The following ZFYVE28 variants were observed in gnomAD, a reference collection of about 807,000 sequenced individuals.
ZFYVE28 encodes the protein lateral signaling target protein 2 homolog.
ZFYVE28 carries 40 observed loss-of-function variants against 82.1 expected under a neutral mutation model. The observed-to-expected ratio is 0.49, with a 90% confidence interval of 0.38 to 0.63. The LOEUF (loss-of-function observed/expected upper bound fraction) is 0.63. Among genes scored for constraint, ZFYVE28 ranks in the 30% least tolerant of loss-of-function variants. The pLI is 0.00. For missense variants in ZFYVE28, 1,321 were observed against 1,242.1 expected (o/e 1.06, Z -0.96); for synonymous variants, 612 against 546.1 (o/e 1.12, Z -1.68).
intron 1 of ZFYVE28, among the ~76,000 whole-genome samples, chr4:2,356,602 G>A (rs767980104): frequency 6.6e-6 from 1 of 152,226 alleles, no homozygotes; most frequent in Non-Finnish European, 1.5e-5. Flanking sequence ...CCCTCCATGG[G>A]CCCAGGCAAC....
chr4:2,333,509 C>G (rs917919056), intron 6 of ZFYVE28, among the ~76,000 whole-genome samples: 3 of 151,808 alleles, frequency 2.0e-5, no homozygotes, highest in Non-Finnish European at 4.4e-5. Context: ...GTGAAAGTCC[C>G]GAAACACAGT....
intron 2 of ZFYVE28, among the ~76,000 whole-genome samples, chr4:2,348,536 G>C (rs1343313862): frequency 1.3e-5 from 2 of 152,130 alleles, no homozygotes; most frequent in Non-Finnish European, 2.9e-5. Flanking sequence ...CAAAATTTTA[G>C]GAAACTGAAT....
chr4:2,273,475 G>C (rs1736100300), intron 9 of ZFYVE28, among the ~76,000 whole-genome samples, 186 bp from the exon 10 acceptor site: 1 of 152,168 alleles, frequency 6.6e-6, no homozygotes, highest in Admixed American at 6.5e-5. Flanking sequence ...TAAAAACTCG[G>C]GAGTCGAGAG....
intron 4 of ZFYVE28, among the ~76,000 whole-genome samples, chr4:2,338,726 T>G (rs578192126): frequency 2.6e-5 from 4 of 152,268 alleles, no homozygotes; most frequent in Non-Finnish European, 5.9e-5. Context: ...GGACTGCCCT[T>G]AATGCATTGG....
chr4:2,371,119 A>G (rs1199732453), intron 1 of ZFYVE28, among the ~76,000 whole-genome samples: 1 of 152,094 alleles, frequency 6.6e-6, no homozygotes, highest in Non-Finnish European at 1.5e-5. Flanking sequence ...TTGGAGCTGG[A>G]GAGAAGATGG....
intron 1 of ZFYVE28, among the ~76,000 whole-genome samples, chr4:2,401,523 G>T (rs886568457): frequency 6.6e-6 from 1 of 152,180 alleles, no homozygotes; most frequent in Non-Finnish European, 1.5e-5. Context: ...GACACCAGAC[G>T]GTGCTACCTG....
At chr4:2,353,222 C>T (rs1302271131) in intron 2 of ZFYVE28, among the ~76,000 whole-genome samples, 1 of 152,238 alleles carries the variant, frequency 6.6e-6, no homozygotes, top group Non-Finnish European at 1.5e-5. Flanking sequence ...GGCTGGGGTG[C>T]AGCCAGCTTG....
chr4:2,280,561 A>T (rs1711824806), intron 8 of ZFYVE28, among the ~76,000 whole-genome samples: 1 of 152,246 alleles, frequency 6.6e-6, no homozygotes, highest in African/African-American at 2.4e-5. Context: ...TCATATGTAC[A>T]TAAATGACAC....
chr4:2,411,548 G>A (rs368477880), intron 1 of ZFYVE28, among the ~76,000 whole-genome samples: 21 of 152,188 alleles, frequency 1.4e-4, no homozygotes, highest in East Asian at 1.4e-3. Context: ...TGTAAAATCC[G>A]ATGACAGTCC....
rs763243821 is a variant in ZFYVE28, at chr4:2,320,180, G to A, written c.793C>T (p.Arg265Trp). The A allele has an allele frequency of 5.1e-6, 8 of 1,554,172 alleles. No individual in the cohort carries two copies. The highest frequency in any genetic ancestry group is 6.1e-6 in the Non-Finnish European group (7 of 1,146,836). Reference protein sequence around the residue: ...ELFRPFHTLLRKIRDLLQTLT... With the variant: ...ELFRPFHTLLWKIRDLLQTLT... ...TAGCTCCATCCCCACCTTATTTTCC[G>A]CAGCAACGTGTGGAAGGGCCGGAAC... The change falls in exon 7 of 13, where the codon CGG becomes TGG. Residue 265 changes from arginine to tryptophan, a missense_variant. Physicochemically the swap from Arg to Trp is moderately radical, Grantham distance 101 (BLOSUM62 -3). Around this residue, in one of 2 missense-constraint regions of ZFYVE28, gnomAD observed 343 missense variants for 408.4 expected, o/e 0.84. Coordinates refer to ENST00000290974, the MANE Select transcript of ZFYVE28 (RefSeq NM_020972.3). The surrounding 1 kb of genome is among the most constrained non-coding windows in gnomAD (Gnocchi z 5.1).
chr4:2,331,252 C>A (rs931550743), intron 6 of ZFYVE28, among the ~76,000 whole-genome samples: 20 of 152,016 alleles, frequency 1.3e-4, no homozygotes, highest in Admixed American at 1.2e-3. Flanking sequence ...CGGGCGAAGC[C>A]GCAGCGAGGC....
At chr4:2,338,891 C>T (rs1204614515) in intron 4 of ZFYVE28, among the ~76,000 whole-genome samples, 2 of 152,174 alleles carry the variant, frequency 1.3e-5, no homozygotes, top group African/African-American at 4.8e-5. Flanking sequence ...GTGGCTGGAT[C>T]GCAGCTCACT....
chr4:2,300,009 G>T lies in ZFYVE28; in HGVS notation c.2051+4280C>A. On this transcript the variant is annotated intron_variant, in intron 8 of 12. Coordinates refer to ENST00000290974, the MANE Select transcript of ZFYVE28 (RefSeq NM_020972.3). This position sits in a 1 kb window ranked among gnomAD's most constrained non-coding sequence, Gnocchi z 4.6. ...GATGGGGTCTTGCTATGTTGTCCAG[G>T]CTGGCCTTGAACTCCTGGCCTCAAG... Among the ~76,000 whole-genome samples, 1 of 152,084 alleles carries T rather than the reference G, an allele frequency of 6.6e-6. No individual in the cohort carries two copies.
chr4:2,404,508 T>A (rs1025834019), intron 1 of ZFYVE28, among the ~76,000 whole-genome samples: 1 of 99,564 alleles, frequency 1.0e-5, no homozygotes, highest in African/African-American at 3.9e-5. Flanking sequence ...ACTAATGGAA[T>A]ATTATTCAGC....
At chr4:2,366,666 C>T (rs1165216566) in intron 1 of ZFYVE28, among the ~76,000 whole-genome samples, 2 of 152,230 alleles carry the variant, frequency 1.3e-5, no homozygotes, top group Non-Finnish European at 2.9e-5. Flanking sequence ...AGGCCTCTGC[C>T]CCTTGGGGCA....
intron 2 of ZFYVE28, among the ~76,000 whole-genome samples, chr4:2,342,049 G>A (rs747361548): frequency 4.6e-5 from 7 of 152,280 alleles, no homozygotes; most frequent in African/African-American, 7.2e-5. Context: ...ACTCTCAGTC[G>A]GCTGGGGACC....
Position 2,310,297 on chromosome 4 carries a change from C to T in ZFYVE28, c.804-4761G>A, listed in dbSNP as rs543558397. Among the ~76,000 whole-genome samples the T allele has an allele frequency of 1.8e-4, 28 of 152,272 alleles. No homozygotes were observed. The East Asian group carries it at 5.0e-3, about 27-fold the overall frequency. On this transcript the variant is annotated intron_variant, in intron 7 of 12. Coordinates refer to ENST00000290974, the MANE Select transcript of ZFYVE28 (RefSeq NM_020972.3). ...CAAGCGATCCTCCTGCCTCAGCCTT[C>T]CAAAGTCCTGGGATTACAAGTGTGA...
rs373544232 is a variant in ZFYVE28, at chr4:2,304,331, C to T, written c.2009G>A (p.Ser670Asn). 1.6e-5 allele frequency: 25 copies of T among 1,603,822 alleles called. No individual in the cohort carries two copies. The highest frequency in any genetic ancestry group is 1.6e-5 in the Non-Finnish European group (19 of 1,178,712). ...CTGAGGCGCCTCGTGAGCCGAGGGG[C>T]TCCCAGCATGCAGCTCTCTGGCCTC... ...EPEARELHAGSPSAHEAPQAL... is the reference protein window; with the variant it reads ...EPEARELHAGNPSAHEAPQAL... Residue 670 changes from serine (S) to asparagine (N), a missense_variant, in exon 8 of 13, where the codon AGC (serine) becomes AAC (asparagine). Physicochemically the swap from Ser to Asn is conservative, Grantham distance 46. Around this residue, in one of 2 missense-constraint regions of ZFYVE28, gnomAD observed 978 missense variants for 833.7 expected, o/e 1.17. Transcript: ENST00000290974.
chr4:2,316,971 A>G (rs1193856456), intron 7 of ZFYVE28, among the ~76,000 whole-genome samples: 1 of 132,908 alleles, frequency 7.5e-6, no homozygotes. Flanking sequence ...GGATTACAGT[A>G]TTTTCTTGTT....
Sources: gnomAD v4.1 joint callset for allele counts (sites outside exome capture counted in the v4.1 genomes callset) on GRCh38, gnomAD v4.1.1 for gene constraint, gnomAD v4.1.1 regional missense constraint, Gnocchi (gnomAD v3.1) non-coding constraint, MANE v1.5 for transcripts, NCBI Gene and HGNC (gene_info 2026-07-23, HGNC 2026-07-21) for gene names.